The following NCALD variants were observed in gnomAD, a reference collection of about 807,000 sequenced individuals.
NCALD encodes the protein neurocalcin delta.
NCALD carries 10 observed loss-of-function variants against 18.6 expected under a neutral mutation model. The observed-to-expected ratio is 0.54, with a 90% CI of 0.33 to 0.91. The LOEUF is 0.91. Among genes scored for constraint, NCALD ranks in the 40% least tolerant of loss-of-function variants. The probability of loss-of-function intolerance (pLI) is 0.03; values close to 1 mark genes in which losing one functional copy is unlikely to be tolerated. For synonymous variants in NCALD, 88 were observed against 87.4 expected, an observed-to-expected ratio of 1.01 and a Z score of -0.04; for missense variants, 184 against 247.6, an observed-to-expected ratio of 0.74 and a Z score of 1.72.
At chr8:101,974,095 T>C (rs2131907557) in intron 2 of NCALD, among the ~76,000 whole-genome samples, 1 of 151,032 alleles carries the variant, frequency 6.6e-6, no homozygotes, top group Middle Eastern at 3.4e-3. Flanking sequence ...GGCAAGAACT[T>C]TAGCTCTCCC....
chr8:102,025,692 C>T (rs143786813), intron 1 of NCALD, among the ~76,000 whole-genome samples: 1 of 152,284 alleles, frequency 6.6e-6, no homozygotes, highest in Non-Finnish European at 1.5e-5. Flanking sequence ...CTACAAACTC[C>T]TCGTGGGCAA....
chr8:101,970,754 G>A (rs530494110), intron 2 of NCALD, among the ~76,000 whole-genome samples: 1 of 152,230 alleles, frequency 6.6e-6, no homozygotes, highest in East Asian at 1.9e-4. Flanking sequence ...GTTCAAATCT[G>A]CCCCCTCACC....
chr8:102,017,554 G>A (rs921218361), intron 2 of NCALD, among the ~76,000 whole-genome samples: 1 of 152,142 alleles, frequency 6.6e-6, no homozygotes, highest in East Asian at 1.9e-4. Context: ...AATTAGCCGG[G>A]TGTGGTGGTG....
intron 3 of NCALD, among the ~76,000 whole-genome samples, chr8:101,893,275 T>C (rs1416013090): frequency 6.7e-6 from 1 of 150,094 alleles, no homozygotes; most frequent in African/African-American, 2.5e-5. Flanking sequence ...GCTTCATAAG[T>C]GAAGGAGAAA....
chr8:101,939,583 C>T lies in NCALD; in HGVS notation c.-156-23725G>A, dbSNP rs1418196648. ...CCATTCTGGTTGACAGAAAAATTTG[C>T]TTGGCTAATCCTTTCTTCTTAGTAA... On this transcript the variant is annotated intron_variant, in intron 2 of 6. Transcript: ENST00000311028. 2.0e-5 allele frequency among the ~76,000 whole-genome samples: 3 copies of T among 152,090 alleles called. No homozygotes were observed. The East Asian group carries it at 5.8e-4, about 29-fold the overall frequency.
chr8:101,726,934 C>A (rs1400284459), intron 1 of NCALD, among the ~76,000 whole-genome samples: 1 of 152,140 alleles, frequency 6.6e-6, no homozygotes, highest in Non-Finnish European at 1.5e-5. Flanking sequence ...GGCATTTAGG[C>A]TCTGGGAGAT....
intron 2 of NCALD, among the ~76,000 whole-genome samples, chr8:102,003,580 G>C (rs1821567657): frequency 6.6e-6 from 1 of 151,960 alleles, no homozygotes; most frequent in Non-Finnish European, 1.5e-5. Context: ...ACAACAAAAA[G>C]AGAATTTTAG....
intron 1 of NCALD, among the ~76,000 whole-genome samples, chr8:101,754,775 C>T (rs1810804669): frequency 6.6e-6 from 1 of 151,904 alleles, no homozygotes; most frequent in Non-Finnish European, 1.5e-5. Flanking sequence ...AACCTGAACC[C>T]AGGTGTCTCT....
At chr8:101,994,785 T>C (rs1321632405) in intron 2 of NCALD, among the ~76,000 whole-genome samples, 1 of 152,252 alleles carries the variant, frequency 6.6e-6, no homozygotes, top group African/African-American at 2.4e-5. Flanking sequence ...GAGGTCTACT[T>C]TGGAGCTTAT....
At chr8:101,825,710 G>T (rs1304404039) in intron 4 of NCALD, among the ~76,000 whole-genome samples, 1 of 152,146 alleles carries the variant, frequency 6.6e-6, no homozygotes, top group Non-Finnish European at 1.5e-5. Context: ...GAGTTCCCTT[G>T]ACTTAAAGCA....
intron 4 of NCALD, among the ~76,000 whole-genome samples, chr8:101,867,994 A>G (rs1815844670): frequency 6.6e-6 from 1 of 152,138 alleles, no homozygotes; most frequent in Admixed American, 6.5e-5. Context: ...CATTGTTTAA[A>G]ACAAAATGAA....
chr8:101,813,522 T>C (rs1283606423), intron 4 of NCALD, among the ~76,000 whole-genome samples: 1 of 152,176 alleles, frequency 6.6e-6, no homozygotes, highest in East Asian at 1.9e-4. Flanking sequence ...TGTCATTTGA[T>C]TTCGAGACCA....
intron 4 of NCALD, among the ~76,000 whole-genome samples, chr8:101,813,031 G>A (rs575366910): frequency 1.3e-5 from 2 of 152,050 alleles, no homozygotes; most frequent in Admixed American, 1.3e-4. Flanking sequence ...ATCTTCAATG[G>A]GTGCTTTCTG....
At chr8:101,872,612 C>T in intron 4 of NCALD, 1 of 497,654 alleles carries the variant, frequency 2.0e-6, no homozygotes, top group Admixed American at 3.2e-5. Flanking sequence ...AACATGTTTA[C>T]AATTTAAATT....
intron 1 of NCALD, among the ~76,000 whole-genome samples, chr8:102,043,214 C>T (rs997883173): frequency 6.6e-6 from 1 of 152,016 alleles, no homozygotes. Flanking sequence ...ATGCAGGGCT[C>T]ATGTGTGTTC....
At chr8:101,833,454 G>C (rs143094602) in intron 4 of NCALD, among the ~76,000 whole-genome samples, 1 of 152,136 alleles carries the variant, frequency 6.6e-6, no homozygotes, top group Non-Finnish European at 1.5e-5. Context: ...TTGAAGTCTC[G>C]TAACAATAAC....
intron 2 of NCALD, among the ~76,000 whole-genome samples, chr8:101,961,999 C>T (rs772063278): frequency 1.3e-5 from 2 of 152,166 alleles, no homozygotes; most frequent in African/African-American, 2.4e-5. Context: ...TGAAAATCTA[C>T]AGTCCAAGAG....
intron 4 of NCALD, among the ~76,000 whole-genome samples, chr8:101,844,000 T>G (rs943093895): frequency 6.6e-6 from 1 of 152,244 alleles, no homozygotes; most frequent in South Asian, 2.1e-4. Context: ...ATGTTAACAT[T>G]TGCCATACTG....
chr8:101,921,623 A>G (rs1818168655), intron 2 of NCALD, among the ~76,000 whole-genome samples: 1 of 152,146 alleles, frequency 6.6e-6, no homozygotes, highest in Non-Finnish European at 1.5e-5. Context: ...TTAAACATAG[A>G]CTAGAAGTGG....
Sources: gnomAD v4.1 joint callset for allele counts (sites outside exome capture counted in the v4.1 genomes callset) on GRCh38, gnomAD v4.1.1 for gene constraint, MANE v1.5 for transcripts, NCBI Gene and HGNC (gene_info 2026-07-23, HGNC 2026-07-21) for gene names.